The following PALMD variants were observed in gnomAD, a reference collection of about 807,000 sequenced individuals.
PALMD encodes paralemmin-like protein.
A neutral mutation model predicts 56.2 loss-of-function variants in PALMD; 42 were observed. The ratio of observed to expected loss-of-function variants is 0.75; its 90% CI spans 0.58 to 0.97. PALMD has a LOEUF of 0.97. Ranked by LOEUF, PALMD falls within the 50% of genes least tolerant of loss-of-function variation. The probability of loss-of-function intolerance (pLI) is 0.00; values close to 1 mark genes in which losing one functional copy is unlikely to be tolerated. For synonymous variants in PALMD, 242 were observed against 222.9 expected (o/e 1.09, Z -0.76); for missense variants, 660 against 643.8 (o/e 1.03, Z -0.27).
chr1:99,683,003 CTCCAAAAAGAAAGAAGGAAA>C (rs1389817210), intron 3 of PALMD, among the ~76,000 whole-genome samples: 2 of 131,220 alleles, frequency 1.5e-5, no homozygotes, highest in Admixed American at 7.6e-5. Context: ...AAGACTCTGT[CTCCAAAAAGAAAGAAGGAAA>C]GAAAGAAAGA....
Position 99,694,127 on chromosome 1 carries a change from T to C in PALMD, c.*65T>C. On this transcript the variant is annotated 3_prime_UTR_variant, in exon 8 of 8. Coordinates refer to ENST00000263174, the MANE Select transcript of PALMD (RefSeq NM_017734.5). ...CTAAGAAGCATTTGCAAATTTCTCT[T>C]CTGGATATTTTGTTTATTTTTTCTG... The C allele has an allele frequency of 8.9e-7, 1 of 1,122,346 alleles. No homozygotes were observed. Among genetic ancestry groups the C allele is most frequent in the Non-Finnish European group, 1.3e-6 (1 of 764,308 alleles). 69.5% of individuals were successfully genotyped at this position (1,122,346 alleles called of 1,614,324 possible).
chr1:99,689,290 CA>C lies in PALMD; in HGVS notation c.1036del (p.Arg346GlyfsTer2). The C allele has an allele frequency of 1.2e-6, 2 of 1,613,408 alleles. No individual in the cohort carries two copies. Among genetic ancestry groups the C allele is most frequent in the Non-Finnish European group, 1.7e-6 (2 of 1,179,804 alleles). The part of the protein sequence containing the change: ...QQAEEKLHTP[Q>X]KRLMTPWEES... ...AGCAGAAGAGAAGCTTCACACCCCG[CA>C]AAAAAGGCTAATGACTCCTTGGGAA... is the stretch of plus-strand genomic sequence containing the variant. On this transcript the variant is annotated frameshift_variant, in exon 7 of 8. Transcript: ENST00000263174. LOFTEE classifies it high-confidence loss of function.
Position 99,646,246 on chromosome 1 carries a change from T to TC in PALMD, c.-67dup. The stretch of plus-strand genomic sequence containing the variant: ...TTCTCTTCTGTCACCCCCGCTCCTC[T>TC]CCCCCAGGAGGCTCCTTGATTTATG... On this transcript the variant is annotated 5_prime_UTR_variant, in exon 1 of 8. Coordinates refer to ENST00000263174, the MANE Select transcript of PALMD (RefSeq NM_017734.5). 1 of 1,215,568 alleles carries TC rather than the reference T, an allele frequency of 8.2e-7. No homozygotes were observed. Among genetic ancestry groups the TC allele is most frequent in the Non-Finnish European group, 1.2e-6 (1 of 817,962 alleles). 75.3% of individuals were successfully genotyped at this position (1,215,568 alleles called of 1,614,324 possible).
At chr1:99,683,084 GAGAGAGAAAGAAAGAAAGAAAGAAAGAA>G (rs1653397827) in intron 3 of PALMD, among the ~76,000 whole-genome samples, 45 of 15,552 alleles carry the variant, frequency 2.9e-3, no homozygotes, top group Admixed American at 4.2e-3. Flanking sequence ...GAGAGAGAGA[GAGAGAGAAAGAAAGAAAGAAAGAAAGAA>G]AGAAAGAAAG....
chr1:99,692,005 T>C (rs1318872048), intron 7 of PALMD, among the ~76,000 whole-genome samples: 2 of 152,108 alleles, frequency 1.3e-5, no homozygotes, highest in African/African-American at 2.4e-5. Context: ...GAGTAAGACA[T>C]GACAGAAAAA....
intron 1 of PALMD, among the ~76,000 whole-genome samples, chr1:99,651,510 T>C (rs1206468581): frequency 6.6e-6 from 1 of 152,220 alleles, no homozygotes; most frequent in South Asian, 2.1e-4. Flanking sequence ...AACCAGAGTA[T>C]AAACAAATGC....
At chr1:99,669,196 T>C (rs567012825) in intron 3 of PALMD, 3 of 152,304 alleles carry the variant, frequency 2.0e-5, no homozygotes, top group East Asian at 1.9e-4. Flanking sequence ...TGCACTTGTA[T>C]ATTGAATAGC....
Position 99,687,153 on chromosome 1 carries a change from A to G in PALMD, c.478A>G (p.Asn160Asp). 6.2e-7 allele frequency: 1 copy of G among 1,604,698 alleles called. No individual in the cohort carries two copies. The highest frequency in any genetic ancestry group is 8.5e-7 in the Non-Finnish European group (1 of 1,172,468). ...YIPSRLRKEINEEKEDDEQNR... is the reference protein window; with the variant it reads ...YIPSRLRKEIDEEKEDDEQNR... Reference sequence around the variant, plus strand: ...ACCTTCTAGGTTAAGGAAGGAGATAAATGAAGAAAAAGAAGATGATGAACA... The same window carrying G: ...ACCTTCTAGGTTAAGGAAGGAGATAGATGAAGAAAAAGAAGATGATGAACA... Residue 160 changes from asparagine to aspartate, a missense_variant, in exon 6 of 8, where the codon AAT becomes GAT. Asn to Asp is a conservative substitution (Grantham distance 23). Coordinates refer to ENST00000263174, the MANE Select transcript of PALMD (RefSeq NM_017734.5).
intron 1 of PALMD, among the ~76,000 whole-genome samples, chr1:99,651,097 G>C (rs1467139211): frequency 6.6e-6 from 1 of 152,180 alleles, no homozygotes; most frequent in African/African-American, 2.4e-5. Context: ...TGAAGATGTA[G>C]CAGTCTTCTA....
intron 1 of PALMD, among the ~76,000 whole-genome samples, chr1:99,650,320 GC>G (rs1652539411): frequency 2.0e-5 from 2 of 101,818 alleles, no homozygotes; most frequent in African/African-American, 8.8e-5. Context: ...AAAAAAAAAA[GC>G]TCTCACATTT....
Position 99,677,977 on chromosome 1 carries a change from T to C in PALMD, c.252-8699T>C, listed in dbSNP as rs1229858170. Among the ~76,000 whole-genome samples the C allele has an allele frequency of 3.3e-5, 5 of 152,186 alleles. No homozygotes were observed. In the East Asian group the frequency reaches 9.6e-4, roughly 29 times the overall value. ...GACAAGTGTGTCCCTGAATCTATATTAGTACCATGCTTGCTAAAGTTGCAG... is the reference window on the plus strand; with the variant it reads ...GACAAGTGTGTCCCTGAATCTATATCAGTACCATGCTTGCTAAAGTTGCAG... On this transcript the variant is annotated intron_variant, in intron 3 of 7. Transcript: ENST00000263174.
At chr1:99,661,204 G>A (rs991431701) in intron 1 of PALMD, among the ~76,000 whole-genome samples, 8 of 152,150 alleles carry the variant, frequency 5.3e-5, no homozygotes, top group African/African-American at 1.9e-4. Flanking sequence ...TTTTAATTTT[G>A]AAAGCAGATT....
chr1:99,652,659 AGAAAGGAAAG>A (rs59533552), intron 1 of PALMD, among the ~76,000 whole-genome samples: 2,217 of 122,272 alleles, frequency 0.018, 35 homozygotes, highest in Middle Eastern at 0.071. Context: ...AAGAAAGAAA[AGAAAGGAAAG>A]GAAAGGAAAG....
At position 99,689,183 on chromosome 1, in the gene PALMD, G is replaced by T. The variant is rs765637708; in HGVS notation, c.923G>T (p.Gly308Val). 6.2e-7 allele frequency: 1 copy of T among 1,613,520 alleles called. No homozygotes were observed. The highest frequency in any genetic ancestry group is 1.7e-5 in the Admixed American group (1 of 59,906). ...GAATCCATACACAATATGGGCAATG[G>T]TCTTTCAGAGGAAAGGGGAAACAAC... ...VNESIHNMGN[G>V]LSEERGNNFN... is the part of the protein sequence containing the mutation. Residue 308 changes from glycine to valine, a missense_variant, in exon 7 of 8, where the codon GGT becomes GTT. By Grantham distance (109) the Gly-to-Val change is moderately radical. Transcript: ENST00000263174.
intron 7 of PALMD, among the ~76,000 whole-genome samples, chr1:99,692,261 G>C (rs1227912500): frequency 6.6e-6 from 1 of 152,106 alleles, no homozygotes; most frequent in East Asian, 1.9e-4. Context: ...AAGTGGTGGG[G>C]ATCTCAGCTC....
At position 99,686,695 on chromosome 1, in the gene PALMD, G is replaced by A. The variant is rs1477447547; in HGVS notation, c.271G>A (p.Asp91Asn). Reference sequence around the variant, plus strand: ...TGTCAGGCTTGAGAAAGAGATCCAAGATCTTGAAAAAGCTGAACTGCAAAT... The same window carrying A: ...TGTCAGGCTTGAGAAAGAGATCCAAAATCTTGAAAAAGCTGAACTGCAAAT... ...SILRLEKEIQ[D>N]LEKAELQIST... The change falls in exon 4 of 8, where the codon GAT becomes AAT. Residue 91 changes from aspartate (D) to asparagine (N), a missense_variant. Physicochemically the swap from Asp to Asn is conservative, Grantham distance 23. Coordinates refer to ENST00000263174, the MANE Select transcript of PALMD (RefSeq NM_017734.5). The A allele has an allele frequency of 6.3e-7, 1 of 1,596,086 alleles. No homozygotes were observed. Among genetic ancestry groups the A allele is most frequent in the East Asian group, 2.2e-5 (1 of 44,644 alleles).
At chr1:99,678,433 T>C (rs944061506) in intron 3 of PALMD, among the ~76,000 whole-genome samples, 35 of 152,264 alleles carry the variant, frequency 2.3e-4, no homozygotes, top group Admixed American at 2.0e-3. Flanking sequence ...AAGGAACTCC[T>C]CTACATCAAG....
At chr1:99,673,884 C>T (rs1374238156) in intron 3 of PALMD, among the ~76,000 whole-genome samples, 4 of 151,966 alleles carry the variant, frequency 2.6e-5, no homozygotes, top group South Asian at 2.1e-4. Context: ...AAATAGATGA[C>T]GTATAGATGA....
intron 3 of PALMD, among the ~76,000 whole-genome samples, chr1:99,683,054 A>AAGAAAGAAAGAAAGAG (rs1653392876): frequency 3.8e-5 from 1 of 26,276 alleles, no homozygotes; most frequent in Non-Finnish European, 7.7e-5. Context: ...GAAAGAAAGA[A>AAGAAAGAAAGAAAGAG]AGAGAGAGAG....
Sources: allele counts gnomAD v4.1 joint callset (sites outside exome capture counted in the v4.1 genomes callset), GRCh38; gene constraint gnomAD v4.1.1; transcripts MANE v1.5; gene names NCBI Gene and HGNC (gene_info 2026-07-23, HGNC 2026-07-21).